Variants in MCTP1 observed in about 807,000 individuals in gnomAD.
The protein encoded by MCTP1 is multiple C2 and transmembrane domain-containing protein 1.
Under a neutral mutation model 120.6 loss-of-function variants are expected in MCTP1, and 69 were observed. The observed-to-expected ratio is 0.57, with a 90% confidence interval of 0.47 to 0.70. MCTP1 has a LOEUF of 0.70. MCTP1 is among the 30% of genes least tolerant of loss of function. MCTP1 has a pLI of 0.00. For synonymous variants in MCTP1, 529 were observed against 493.1 expected, an observed-to-expected ratio of 1.07 and a Z score of -0.96; for missense variants, 1,203 against 1,248.8, an observed-to-expected ratio of 0.96 and a Z score of 0.55.
intron 1 of MCTP1, among the ~76,000 whole-genome samples, chr5:95,256,932 T>C (rs1381671647): frequency 1.3e-5 from 2 of 152,222 alleles, no homozygotes; most frequent in African/African-American, 4.8e-5. Flanking sequence ...ATTCTATTCA[T>C]GACATGGGAT....
At chr5:94,736,259 CAGG>C (rs1177521337) in intron 19 of MCTP1, among the ~76,000 whole-genome samples, 1 of 152,040 alleles carries the variant, frequency 6.6e-6, no homozygotes, top group African/African-American at 2.4e-5. Context: ...GAGGCTGAGG[CAGG>C]AGGATTGCTT....
At position 94,986,470 on chromosome 5, in the gene MCTP1, A is replaced by G. The variant is rs55637148; in HGVS notation, c.838+30897T>C. On this transcript the variant is annotated intron_variant, in intron 2 of 22. Coordinates refer to ENST00000515393, the MANE Select transcript of MCTP1 (RefSeq NM_024717.7). ...TGATTCCCAAACAACCAGTAGTTCA[A>G]ACTTCAAAACACCCTATCCCTGTGC... 5.0e-3 allele frequency among the ~76,000 whole-genome samples: 762 copies of G among 152,218 alleles called. 6 individuals carry two copies. Among genetic ancestry groups the G allele is most frequent in the African/African-American group, 0.017 (710 of 41,538 alleles).
intron 1 of MCTP1, among the ~76,000 whole-genome samples, chr5:95,251,928 C>A (rs547133159): frequency 6.6e-6 from 1 of 152,070 alleles, no homozygotes; most frequent in Middle Eastern, 3.4e-3. Context: ...AAAACAAAAT[C>A]TTTTCCCAAC....
intron 1 of MCTP1, among the ~76,000 whole-genome samples, chr5:95,103,994 C>T (rs1403666284): frequency 6.6e-6 from 1 of 152,170 alleles, no homozygotes; most frequent in Non-Finnish European, 1.5e-5. Context: ...GTTTCTCTCT[C>T]TTACGCATTC....
chr5:94,961,598 C>T (rs996035362), intron 2 of MCTP1, among the ~76,000 whole-genome samples: 2 of 152,148 alleles, frequency 1.3e-5, no homozygotes, highest in African/African-American at 4.8e-5. Context: ...CATTTCTCAT[C>T]TTTGTGTGAA....
At position 95,059,418 on chromosome 5, in the gene MCTP1, G is replaced by A. The variant is rs560406108; in HGVS notation, c.721-41934C>T. On this transcript the variant is annotated intron_variant, in intron 1 of 22. Transcript: ENST00000515393. ...ATAGAAACGGGACTACTAGAGTGGG[G>A]AGAGAGGAAGGAGAGCAAAGGTTGA... 4.6e-5 allele frequency among the ~76,000 whole-genome samples: 7 copies of A among 152,222 alleles called. No homozygotes were observed. The South Asian group carries it at 1.5e-3, about 32-fold the overall frequency.
At chr5:95,163,126 C>G (rs56097430) in intron 1 of MCTP1, among the ~76,000 whole-genome samples, 6,692 of 152,192 alleles carry the variant, frequency 0.044, 185 homozygotes, top group Non-Finnish European at 0.066. Context: ...CATACCCAAA[C>G]TATCTTACCT....
chr5:94,814,788 A>G (rs919416518), intron 17 of MCTP1, among the ~76,000 whole-genome samples: 5 of 152,142 alleles, frequency 3.3e-5, no homozygotes, highest in African/African-American at 1.2e-4. Context: ...ACAAAAACAA[A>G]CCTTGGCACA....
At chr5:94,802,435 T>G (rs1021262634) in intron 17 of MCTP1, among the ~76,000 whole-genome samples, 5 of 152,216 alleles carry the variant, frequency 3.3e-5, no homozygotes, top group Non-Finnish European at 7.3e-5. Flanking sequence ...CTGGTGAGGC[T>G]CCTCTAATAA....
intron 19 of MCTP1, among the ~76,000 whole-genome samples, chr5:94,723,682 G>T (rs1247312934): frequency 6.6e-6 from 1 of 152,038 alleles, no homozygotes; most frequent in Non-Finnish European, 1.5e-5. Context: ...ATTTATGATA[G>T]CATTTAGTTG....
intron 18 of MCTP1, 101 bp downstream of exon 18, chr5:94,798,912 G>A: frequency 8.0e-7 from 1 of 1,257,054 alleles, no homozygotes; most frequent in African/African-American, 1.5e-5. Flanking sequence ...AGTATTTATA[G>A]ACAGAATTCC....
intron 17 of MCTP1, among the ~76,000 whole-genome samples, chr5:94,864,329 C>G (rs1166204639): frequency 6.6e-6 from 1 of 151,830 alleles, no homozygotes; most frequent in African/African-American, 2.4e-5. Flanking sequence ...CATTGTTCCT[C>G]TAAGTAAAAT....
At chr5:95,118,933 T>C (rs879442185) in intron 1 of MCTP1, among the ~76,000 whole-genome samples, 3 of 152,176 alleles carry the variant, frequency 2.0e-5, no homozygotes, top group Non-Finnish European at 4.4e-5. Flanking sequence ...AATAAAATAA[T>C]AGCTGGAGAT....
At chr5:95,073,987 G>A (rs1282715258) in intron 1 of MCTP1, among the ~76,000 whole-genome samples, 1 of 152,134 alleles carries the variant, frequency 6.6e-6, no homozygotes, top group Non-Finnish European at 1.5e-5. Context: ...GTGGTGGCGG[G>A]TGCCTATAAT....
intron 1 of MCTP1, among the ~76,000 whole-genome samples, chr5:95,122,522 G>A (rs1420786524): frequency 2.0e-5 from 3 of 152,166 alleles, no homozygotes; most frequent in African/African-American, 7.2e-5. Context: ...AGGATATAGA[G>A]AAAAGGAAAC....
chr5:95,229,672 C>T (rs897278962), intron 1 of MCTP1, among the ~76,000 whole-genome samples: 1 of 150,812 alleles, frequency 6.6e-6, no homozygotes, highest in Non-Finnish European at 1.5e-5. Context: ...ACCTGGGAGG[C>T]GGAGGTTGCA....
intron 1 of MCTP1, among the ~76,000 whole-genome samples, chr5:95,231,264 T>A (rs1415081082): frequency 1.3e-5 from 2 of 152,148 alleles, no homozygotes; most frequent in African/African-American, 4.8e-5. Flanking sequence ...TGATCATGAA[T>A]ATTATGTATA....
At chr5:95,025,360 T>C (rs1400268163) in intron 1 of MCTP1, among the ~76,000 whole-genome samples, 2 of 152,098 alleles carry the variant, frequency 1.3e-5, no homozygotes, top group African/African-American at 4.8e-5. Context: ...AAACTATATA[T>C]CCACCTGCAG....
chr5:95,026,093 G>GA (rs1465891795), intron 1 of MCTP1, among the ~76,000 whole-genome samples: 2 of 151,892 alleles, frequency 1.3e-5, no homozygotes, highest in African/African-American at 2.4e-5. Context: ...TTCATTACAG[G>GA]AAAAAATAAA....
Sources: allele counts gnomAD v4.1 joint callset (sites outside exome capture counted in the v4.1 genomes callset), GRCh38; gene constraint gnomAD v4.1.1; transcripts MANE v1.5; gene names NCBI Gene and HGNC (gene_info 2026-07-23, HGNC 2026-07-21).